NAALADL2: variants seen among roughly 807,000 people sequenced by gnomAD.
NAALADL2 encodes N-acetylated alpha-linked acidic dipeptidase like 2, also known as inactive N-acetylated-alpha-linked acidic dipeptidase-like protein 2.
A neutral mutation model predicts 87.2 loss-of-function variants in NAALADL2; 76 were observed. The ratio of observed to expected loss-of-function variants is 0.87; its 90% CI spans 0.72 to 1.05. NAALADL2 has a LOEUF of 1.05. Among genes scored for constraint, NAALADL2 ranks in the 50% least tolerant of loss-of-function variants. The pLI, the probability that NAALADL2 is intolerant of heterozygous loss-of-function variation, is 0.00. For synonymous variants in NAALADL2, 354 were observed against 331.0 expected (o/e 1.07, Z -0.75); for missense variants, 1,089 against 945.8 (o/e 1.15, Z -1.99).
chr3:175,806,165 T>C lies in NAALADL2; in HGVS notation c.*2962T>C, dbSNP rs1754684913. ...CATGGGCTGGAAACACTGCTTTTAA[T>C]TCAAGGCTAGTTCATTCTCTGACTG... On this transcript the variant is annotated 3_prime_UTR_variant, in exon 14 of 14. Coordinates refer to ENST00000454872, the MANE Select transcript of NAALADL2 (RefSeq NM_207015.3). 6.6e-6 allele frequency: 1 copy of C among 151,892 alleles called. No homozygotes were observed. Among genetic ancestry groups the C allele is most frequent in the East Asian group, 1.9e-4 (1 of 5,184 alleles). The allele number at this position is 151,892 out of a possible 1,614,324, so 9.4% of individuals were successfully genotyped here.
In NAALADL2 at chr3:175,720,302, A is replaced by G. The variant is rs557912282; in HGVS notation, c.1897-17004A>G. Reference sequence around the variant, plus strand: ...ATAACAAAAGAATTGATCATGAGATAGAAAATCATCTTTAAAAGAATTACT... The same window carrying G: ...ATAACAAAAGAATTGATCATGAGATGGAAAATCATCTTTAAAAGAATTACT... On this transcript the variant is annotated intron_variant, in intron 11 of 13. Transcript: ENST00000454872. 3.9e-5 allele frequency among the ~76,000 whole-genome samples: 6 copies of G among 152,248 alleles called. No homozygotes were observed. In the East Asian group the frequency reaches 5.8e-4, roughly 15 times the overall value.
At chr3:174,988,177 T>C (rs1399963952) in intron 1 of NAALADL2, among the ~76,000 whole-genome samples, 1 of 152,072 alleles carries the variant, frequency 6.6e-6, no homozygotes, top group East Asian at 1.9e-4. Flanking sequence ...AACTCTGAGC[T>C]AGAAGGAGCC....
At chr3:174,688,683 T>C (rs1184155477) in intron 2 of NAALADL2, among the ~76,000 whole-genome samples, 1 of 147,982 alleles carries the variant, frequency 6.8e-6, no homozygotes, top group East Asian at 2.0e-4. Flanking sequence ...GCGATTCAAC[T>C]TTACAAATTA....
chr3:175,102,374 T>C (rs985505112), intron 2 of NAALADL2, among the ~76,000 whole-genome samples: 1 of 152,182 alleles, frequency 6.6e-6, no homozygotes, highest in East Asian at 1.9e-4. Flanking sequence ...TTGTTTTTGA[T>C]AGGCCAAAAA....
At chr3:175,508,588 G>A (rs922674055) in intron 9 of NAALADL2, among the ~76,000 whole-genome samples, 5 of 152,010 alleles carry the variant, frequency 3.3e-5, no homozygotes, top group Non-Finnish European at 5.9e-5. Context: ...AGTTCTCAAC[G>A]TAATTGTTTT....
At chr3:175,257,184 T>G (rs1750111236) in intron 4 of NAALADL2, 1 of 120,200 alleles carries the variant, frequency 8.3e-6, no homozygotes, top group Middle Eastern at 4.4e-3. Context: ...TTCATTTCCT[T>G]TTTCTATTTA....
At chr3:175,028,295 C>T (rs1752440699) in intron 1 of NAALADL2, among the ~76,000 whole-genome samples, 1 of 152,064 alleles carries the variant, frequency 6.6e-6, no homozygotes, top group Non-Finnish European at 1.5e-5. Flanking sequence ...AATAGATATA[C>T]AGTTACAATT....
chr3:175,023,986 T>C (rs2108877641), intron 1 of NAALADL2, among the ~76,000 whole-genome samples: 1 of 152,172 alleles, frequency 6.6e-6, no homozygotes, highest in Admixed American at 6.6e-5. Context: ...AGGATAGCAG[T>C]GGAAAAATTC....
intron 2 of NAALADL2, among the ~76,000 whole-genome samples, chr3:175,180,170 T>C (rs1235127975): frequency 6.6e-6 from 1 of 151,966 alleles, no homozygotes; most frequent in African/African-American, 2.4e-5. Flanking sequence ...GATAACTGAA[T>C]TCGGTTGAAT....
chr3:175,372,329 A>G (rs1308370443), intron 5 of NAALADL2, among the ~76,000 whole-genome samples: 10 of 152,190 alleles, frequency 6.6e-5, no homozygotes, highest in East Asian at 1.9e-4. Flanking sequence ...TGCATTCTCT[A>G]TATCTACCTA....
chr3:174,859,324 G>A, upstream of NAALADL2: 1 of 992,958 alleles, frequency 1.0e-6, no homozygotes, highest in South Asian at 1.4e-5. Flanking sequence ...CAATACTACA[G>A]TAGAAAGTCA....
intron 5 of NAALADL2, among the ~76,000 whole-genome samples, chr3:175,418,890 C>T (rs1436393200): frequency 6.6e-6 from 1 of 151,982 alleles, no homozygotes; most frequent in East Asian, 1.9e-4. Context: ...CTCAAAGACA[C>T]TTGAATTTTG....
chr3:174,888,716 C>T (rs1428717053), intron 1 of NAALADL2, among the ~76,000 whole-genome samples: 2 of 152,190 alleles, frequency 1.3e-5, no homozygotes, highest in Admixed American at 6.5e-5. Flanking sequence ...TATTGTCTAG[C>T]AGTAACTAGC....
intron 3 of NAALADL2, among the ~76,000 whole-genome samples, chr3:174,853,489 C>T (rs1438731552): frequency 1.3e-5 from 2 of 151,408 alleles, no homozygotes; most frequent in Admixed American, 6.6e-5. Flanking sequence ...GTTTTCATGA[C>T]TAAAACCTCA....
upstream of NAALADL2, among the ~76,000 whole-genome samples, chr3:174,855,980 G>GTGTA (rs1428996245): frequency 2.2e-4 from 32 of 142,908 alleles, no homozygotes; most frequent in Non-Finnish European, 4.1e-4. Flanking sequence ...GTGTGTGTGT[G>GTGTA]TATATATATA....
At chr3:175,657,089 C>T (rs544226510) in intron 11 of NAALADL2, among the ~76,000 whole-genome samples, 71 of 152,210 alleles carry the variant, frequency 4.7e-4, no homozygotes, top group Non-Finnish European at 1.2e-4. Flanking sequence ...GTTGCCCAAA[C>T]TAGTATTTAA....
intron 2 of NAALADL2, among the ~76,000 whole-genome samples, chr3:174,719,695 CT>C (rs1216572382): frequency 3.3e-5 from 5 of 152,134 alleles, no homozygotes; most frequent in Non-Finnish European, 7.3e-5. Context: ...AAGCAATATC[CT>C]CTGGAATTTG....
chr3:175,253,570 T>C (rs1367249867), intron 3 of NAALADL2, among the ~76,000 whole-genome samples: 1 of 152,182 alleles, frequency 6.6e-6, no homozygotes, highest in Admixed American at 6.5e-5. Context: ...ATTTCAACTT[T>C]CAAGTCTTAT....
chr3:175,763,471 T>C (rs1174158692), intron 13 of NAALADL2, among the ~76,000 whole-genome samples: 1 of 152,216 alleles, frequency 6.6e-6, no homozygotes, highest in Non-Finnish European at 1.5e-5. Context: ...CTATCTCCTT[T>C]CTTCACTCAC....
Sources: gnomAD v4.1 joint callset for allele counts (sites outside exome capture counted in the v4.1 genomes callset) on GRCh38, gnomAD v4.1.1 for gene constraint, MANE v1.5 for transcripts, NCBI Gene and HGNC (gene_info 2026-07-23, HGNC 2026-07-21) for gene names.